FRMD1: variants seen among roughly 807,000 people sequenced by gnomAD.
The protein encoded by FRMD1 is FERM domain-containing protein 1.
Under a neutral mutation model 54.9 loss-of-function variants are expected in FRMD1, and 51 were observed. The observed-to-expected ratio is 0.93, with a 90% confidence interval of 0.74 to 1.17. The LOEUF (loss-of-function observed/expected upper bound fraction) is 1.17. FRMD1 is among the 50% of genes most tolerant of loss of function. The pLI is 0.00. For missense variants in FRMD1, 729 were observed against 743.0 expected, an observed-to-expected ratio of 0.98 and a Z score of 0.22; for synonymous variants, 324 against 306.4, an observed-to-expected ratio of 1.06 and a Z score of -0.60.
intron 2 of FRMD1, among the ~76,000 whole-genome samples, chr6:168,068,232 G>A (rs948542840): frequency 6.6e-6 from 1 of 152,158 alleles, no homozygotes; most frequent in Admixed American, 6.6e-5. Flanking sequence ...GAAACTATAA[G>A]AGACGCTTCT....
chr6:168,080,786 G>T (rs998927011), upstream of FRMD1, among the ~76,000 whole-genome samples: 2 of 152,020 alleles, frequency 1.3e-5, no homozygotes, highest in South Asian at 4.1e-4. Flanking sequence ...CAAAGCGATG[G>T]TTCCCCACGT....
At chr6:168,092,217 A>G (rs112781120) in intron 1 of FRMD1, among the ~76,000 whole-genome samples, 1 of 152,150 alleles carries the variant, frequency 6.6e-6, no homozygotes, top group African/African-American at 2.4e-5. Context: ...TTCATCTATC[A>G]TGTGTCCTGC....
intron 4 of FRMD1, chr6:168,065,901 C>T: frequency 2.0e-6 from 2 of 1,000,274 alleles, no homozygotes; most frequent in Non-Finnish European, 1.2e-6. Flanking sequence ...TCACGCACCC[C>T]TGAAGCTCTG....
intron 2 of FRMD1, among the ~76,000 whole-genome samples, chr6:168,069,166 C>T (rs1562420092): frequency 1.3e-5 from 2 of 152,188 alleles, no homozygotes; most frequent in Admixed American, 1.3e-4. Flanking sequence ...ACAGGGAGGC[C>T]CAGACTTGCA....
chr6:168,081,500 C>T (rs554405210), upstream of FRMD1: 1,943 of 1,532,754 alleles, frequency 1.3e-3, no homozygotes, highest in Non-Finnish European at 1.5e-3. Context: ...GAGTCCTCCT[C>T]GGCCCAACTC....
intron 5 of FRMD1, among the ~76,000 whole-genome samples, chr6:168,064,239 G>T (rs911796473): frequency 2.3e-4 from 35 of 152,344 alleles, no homozygotes; most frequent in African/African-American, 7.9e-4. Flanking sequence ...GCAAAGGTGA[G>T]AAGGCCCCAA....
Position 168,077,282 on chromosome 6 carries a change from G to GC in FRMD1, c.213+1599_213+1600insG, listed in dbSNP as rs201114237. ...GACACAGATGTGCACACACTCCGAT[G>GC]GGGGGGGGTTCTTGTCTAACTGCAG... On this transcript the variant is annotated intron_variant, in intron 1 of 10. Coordinates refer to ENST00000283309, the MANE Select transcript of FRMD1 (RefSeq NM_024919.6). 7.7e-3 allele frequency among the ~76,000 whole-genome samples: 334 copies of GC among 43,638 alleles called. 4 individuals carry two copies. The highest frequency in any genetic ancestry group is 0.069 in the Admixed American group (304 of 4,398). 28.6% of individuals were successfully genotyped at this position (43,638 alleles called of 152,430 possible).
At chr6:168,060,689 G>T in intron 9 of FRMD1, 72 bp downstream of exon 9, 1 of 1,495,010 alleles carries the variant, frequency 6.7e-7, no homozygotes, top group Non-Finnish European at 9.0e-7. Flanking sequence ...TCGGTGTCCA[G>T]GGTCAGCCAA....
chr6:168,064,111 AG>A (rs1346193815), intron 5 of FRMD1, among the ~76,000 whole-genome samples: 1 of 152,196 alleles, frequency 6.6e-6, no homozygotes, highest in Non-Finnish European at 1.5e-5. Context: ...TAAGAATCGC[AG>A]GGACGTGGAA....
chr6:168,056,400 G>C lies in FRMD1; in HGVS notation c.*697C>G, dbSNP rs1308193636. 6.6e-6 allele frequency: 1 copy of C among 152,450 alleles called. No individual in the cohort carries two copies. Among genetic ancestry groups the C allele is most frequent in the African/African-American group, 2.4e-5 (1 of 41,470 alleles). The allele number at this position is 152,450 out of a possible 1,614,324, so 9.4% of individuals were successfully genotyped here. On this transcript the variant is annotated 3_prime_UTR_variant, in exon 11 of 11. Transcript: ENST00000283309. Reference sequence around the variant, plus strand: ...GTGGGTCCTGAGGCCTCATGGCTGAGATGGGAGCAGAGTCGGCTTCAGCTC... The same window carrying C: ...GTGGGTCCTGAGGCCTCATGGCTGACATGGGAGCAGAGTCGGCTTCAGCTC...
In FRMD1 at chr6:168,075,678, T is replaced by C. The variant is rs1199719671; in HGVS notation, c.214-343A>G. 2.2e-6 allele frequency: 3 copies of C among 1,347,914 alleles called. No homozygotes were observed. The African/African-American group carries it at 4.3e-5, about 20-fold the overall frequency. 83.5% of individuals were successfully genotyped at this position (1,347,914 alleles called of 1,614,324 possible). On this transcript the variant is annotated intron_variant, in intron 1 of 10. Transcript: ENST00000283309. ...AACTCCAGGGCCGCCCTCTGGGCTC[T>C]GTCCTCGCACGGCACAAATGAATGC...
upstream of FRMD1, chr6:168,081,479 G>C (rs1397649854): frequency 6.5e-7 from 1 of 1,535,366 alleles, no homozygotes; most frequent in Non-Finnish European, 8.7e-7. Flanking sequence ...TCTCCTCATG[G>C]CTGAGCCCTG....
At chr6:168,073,204 C>T (rs1285086825) in intron 2 of FRMD1, among the ~76,000 whole-genome samples, 1 of 152,168 alleles carries the variant, frequency 6.6e-6, no homozygotes, top group African/African-American at 2.4e-5. Flanking sequence ...CAGTCACCCC[C>T]CTGCAACACC....
rs150144137 is a variant in FRMD1 at position 168,062,691 on chromosome 6, C to T, written c.870+203G>A. 791 of 1,550,916 alleles carry T rather than the reference C, an allele frequency of 5.1e-4. 8 individuals carry two copies. In the African/African-American group the frequency reaches 9.3e-3, roughly 18 times the overall value. Reference sequence around the variant, plus strand: ...CCCACCAGAAATGCCAGCTTCCCAACGTGGGGCCAGGGGAGGTCGTACAGC... The same window carrying T: ...CCCACCAGAAATGCCAGCTTCCCAATGTGGGGCCAGGGGAGGTCGTACAGC... On this transcript the variant is annotated intron_variant, in intron 7 of 10. Coordinates refer to ENST00000283309, the MANE Select transcript of FRMD1 (RefSeq NM_024919.6).
At position 168,064,900 on chromosome 6, in the gene FRMD1, A is replaced by C. The variant is rs753428867; in HGVS notation, c.619T>G (p.Phe207Val). The C allele has an allele frequency of 1.9e-6, 3 of 1,588,072 alleles. No individual in the cohort carries two copies. The African/African-American group carries it at 4.0e-5, about 21-fold the overall frequency. ...TGTGGGAAGTAGGAGTGTGGCTCGA[A>C]GTACCTCCCGGCATGGGCCGACTCC... ...HRESAHAGRY[F>V]EPHSYFPQWI... The change falls in exon 5 of 11, where the codon TTC (phenylalanine) becomes GTC (valine). Residue 207 changes from phenylalanine to valine, a missense_variant. Phe to Val is a conservative substitution (Grantham distance 50). Coordinates refer to ENST00000283309, the MANE Select transcript of FRMD1 (RefSeq NM_024919.6).
rs1799352380 is a variant in FRMD1, at chr6:168,054,911, T to A, written c.*2186A>T. The A allele has an allele frequency of 6.6e-6, 1 of 152,334 alleles. No homozygotes were observed. Among genetic ancestry groups the A allele is most frequent in the South Asian group, 2.1e-4 (1 of 4,838 alleles). 9.4% of individuals were successfully genotyped at this position (152,334 alleles called of 1,614,324 possible). A position where few individuals can be genotyped will look rare whatever the true frequency, so the allele number is the denominator to read the frequency against. ...GGTGTGTCTGAGCTGGTAGCCCACATGGGCTTCATGTGGCCTGCCTGGCCG... is the reference window on the plus strand; with the variant it reads ...GGTGTGTCTGAGCTGGTAGCCCACAAGGGCTTCATGTGGCCTGCCTGGCCG... On this transcript the variant is annotated 3_prime_UTR_variant, in exon 11 of 11. Transcript: ENST00000283309.
Position 168,057,089 on chromosome 6 carries a change from G to A in FRMD1, c.*8C>T. The A allele has an allele frequency of 2.0e-6, 3 of 1,468,972 alleles. No homozygotes were observed. Among genetic ancestry groups the A allele is most frequent in the East Asian group, 5.0e-5 (2 of 39,716 alleles). 91.0% of individuals were successfully genotyped at this position (1,468,972 alleles called of 1,614,324 possible). On this transcript the variant is annotated 3_prime_UTR_variant, in exon 11 of 11. Transcript: ENST00000283309. ...GCGGTGCGGACGGTACTGCTGGGTG[G>A]GTGGTGCCTACACCACAAACTCCTG...
At chr6:168,090,938 C>T (rs1030116385) in intron 1 of FRMD1, among the ~76,000 whole-genome samples, 3 of 152,316 alleles carry the variant, frequency 2.0e-5, no homozygotes, top group Non-Finnish European at 1.5e-5. Flanking sequence ...GCTTGCCCAC[C>T]GATCCAGGCC....
chr6:168,086,803 C>T (rs1474539467), intron 1 of FRMD1, among the ~76,000 whole-genome samples: 1 of 152,234 alleles, frequency 6.6e-6, no homozygotes, highest in African/African-American at 2.4e-5. Flanking sequence ...GCACGATGTT[C>T]CATGGAAACT....
Sources: allele counts gnomAD v4.1 joint callset (sites outside exome capture counted in the v4.1 genomes callset), GRCh38; gene constraint gnomAD v4.1.1; transcripts MANE v1.5; gene names NCBI Gene and HGNC (gene_info 2026-07-23, HGNC 2026-07-21).